PGBD5: variants seen among roughly 807,000 people sequenced by gnomAD.
PGBD5 encodes piggyBac transposable element derived 5.
A neutral mutation model predicts 47.9 loss-of-function variants in PGBD5; 14 were observed. The observed-to-expected ratio is 0.29, with a 90% CI of 0.19 to 0.46. The LOEUF is 0.46. PGBD5 is among the 20% of genes least tolerant of loss of function. The probability of loss-of-function intolerance (pLI) is 1.00; values close to 1 mark genes in which losing one functional copy is unlikely to be tolerated. For synonymous variants in PGBD5, 316 were observed against 306.3 expected, an observed-to-expected ratio of 1.03 and a Z score of -0.33; for missense variants, 635 against 716.0, an observed-to-expected ratio of 0.89 and a Z score of 1.29.
intron 1 of PGBD5, among the ~76,000 whole-genome samples, chr1:230,381,927 T>C (rs1163428492): frequency 2.0e-5 from 3 of 152,134 alleles, no homozygotes; most frequent in Non-Finnish European, 2.9e-5. Flanking sequence ...GATGGCAAAA[T>C]CTAGCTCAGC....
At chr1:230,369,649 T>C (rs828434) in intron 1 of PGBD5, among the ~76,000 whole-genome samples, 1 of 151,576 alleles carries the variant, frequency 6.6e-6, no homozygotes, top group Non-Finnish European at 1.5e-5. Flanking sequence ...ACAGGGAGAG[T>C]GTGTGTCACA....
chr1:230,324,724 G>A (rs747678908), intron 6 of PGBD5, among the ~76,000 whole-genome samples: 18 of 152,156 alleles, frequency 1.2e-4, no homozygotes, highest in Non-Finnish European at 2.5e-4. Flanking sequence ...ATAATGGCAC[G>A]AGGTCAGGGG....
chr1:230,328,970 TTG>T (rs1230847908), intron 5 of PGBD5, among the ~76,000 whole-genome samples: 6 of 152,106 alleles, frequency 3.9e-5, no homozygotes, highest in Non-Finnish European at 5.9e-5. Context: ...TCTCACTCTG[TTG>T]CTCAGACTGA....
At chr1:230,360,385 G>A (rs937392859) in intron 1 of PGBD5, among the ~76,000 whole-genome samples, 1 of 152,096 alleles carries the variant, frequency 6.6e-6, no homozygotes, top group Non-Finnish European at 1.5e-5. Context: ...AGGGAGGGAG[G>A]GAAGGAAGGA....
intron 1 of PGBD5, among the ~76,000 whole-genome samples, chr1:230,395,346 T>C (rs1252605411): frequency 4.7e-4 from 12 of 25,554 alleles, no homozygotes; most frequent in African/African-American, 7.7e-4. Context: ...TCCCAGCTCC[T>C]CTCACTCCCA....
chr1:230,316,092 ACATAT>A lies in PGBD5; in HGVS notation c.*7328_*7332del, dbSNP rs1269265195. ...TACATACATGTTTATGTGTATACAT[ACATAT>A]GTTTATGTGTACACATATATCTATG... On this transcript the variant is annotated 3_prime_UTR_variant, in exon 7 of 7. Coordinates refer to ENST00000391860, the MANE Select transcript of PGBD5 (RefSeq NM_001258311.2). 14 of 149,216 alleles carry A rather than the reference ACATAT, an allele frequency of 9.4e-5. 1 individual carries two copies. The highest frequency in any genetic ancestry group is 1.8e-4 in the Non-Finnish European group (12 of 66,960). The allele number at this position is 149,216 out of a possible 1,614,324, so 9.2% of individuals were successfully genotyped here.
chr1:230,374,363 G>C (rs559381014), intron 1 of PGBD5, among the ~76,000 whole-genome samples: 1 of 152,318 alleles, frequency 6.6e-6, no homozygotes, highest in East Asian at 1.9e-4. Flanking sequence ...GTTGCAGTGA[G>C]TGGAGTTCAC....
intron 3 of PGBD5, among the ~76,000 whole-genome samples, chr1:230,350,374 T>C (rs1253884481): frequency 6.6e-6 from 1 of 152,200 alleles, no homozygotes; most frequent in African/African-American, 2.4e-5. Context: ...AGGCACCTCT[T>C]GTGAAACATG....
rs370132218 is a variant in PGBD5, at chr1:230,392,109, T to G, written c.331+33489A>C. On this transcript the variant is annotated intron_variant, in intron 1 of 6. Transcript: ENST00000391860. Reference sequence around the variant, plus strand: ...AAACGAAAATCCTACTTGCTTTGATTTTTTTCTCTTAAGAGTGCCTTGGTC... The same window carrying G: ...AAACGAAAATCCTACTTGCTTTGATGTTTTTCTCTTAAGAGTGCCTTGGTC... Among the ~76,000 whole-genome samples the G allele has an allele frequency of 6.6e-5, 10 of 152,340 alleles. No homozygotes were observed. The East Asian group carries it at 1.9e-3, about 29-fold the overall frequency.
intron 1 of PGBD5, among the ~76,000 whole-genome samples, chr1:230,396,013 T>C (rs1656945922): frequency 1.4e-5 from 2 of 138,552 alleles, no homozygotes; most frequent in South Asian, 5.0e-4. Flanking sequence ...TTCCCTTTGC[T>C]TCCCTCTTTC....
At position 230,321,601 on chromosome 1, in the gene PGBD5, G is replaced by A. The variant is rs11122494; in HGVS notation, c.*1824C>T. 0.24 allele frequency: 36,703 copies of A among 152,276 alleles called. 4,628 individuals are homozygous for A. The highest frequency in any genetic ancestry group is 0.48 in the East Asian group (2,461 of 5,176). The allele number at this position is 152,276 out of a possible 1,614,324, so 9.4% of individuals were successfully genotyped here. A position where few individuals can be genotyped will look rare whatever the true frequency, so the allele number is the denominator to read the frequency against. ...TTACAGGCATGAGCCACCGCACCCC[G>A]CCTGTTCCCTGACCTTTTAAACGAA... On this transcript the variant is annotated 3_prime_UTR_variant, in exon 7 of 7. Coordinates refer to ENST00000391860, the MANE Select transcript of PGBD5 (RefSeq NM_001258311.2).
intron 1 of PGBD5, among the ~76,000 whole-genome samples, chr1:230,422,605 C>A (rs1271185947): frequency 6.6e-6 from 1 of 152,164 alleles, no homozygotes; most frequent in Non-Finnish European, 1.5e-5. Context: ...CCGAGGGAAT[C>A]CACACCTCAA....
At chr1:230,404,955 C>A (rs1308281586) in intron 1 of PGBD5, among the ~76,000 whole-genome samples, 5 of 141,056 alleles carry the variant, frequency 3.5e-5, no homozygotes, top group Non-Finnish European at 4.6e-5. Flanking sequence ...CTTCCCAAGG[C>A]AAGGTATCAC....
chr1:230,405,343 C>T (rs890476397), intron 1 of PGBD5, among the ~76,000 whole-genome samples: 1 of 152,134 alleles, frequency 6.6e-6, no homozygotes, highest in African/African-American at 2.4e-5. Context: ...CCTCCTCATC[C>T]TTCTCTCCTC....
intron 1 of PGBD5, among the ~76,000 whole-genome samples, chr1:230,374,965 G>A (rs968746663): frequency 6.6e-6 from 1 of 152,200 alleles, no homozygotes; most frequent in Admixed American, 6.5e-5. Flanking sequence ...CCTTGAGCCT[G>A]CAGCCCTCAA....
intron 3 of PGBD5, among the ~76,000 whole-genome samples, chr1:230,349,683 A>G (rs1667531445): frequency 6.6e-6 from 1 of 152,318 alleles, no homozygotes; most frequent in African/African-American, 2.4e-5. Context: ...TCCCTTGGGA[A>G]AGTTTACATA....
intron 1 of PGBD5, among the ~76,000 whole-genome samples, chr1:230,400,264 C>G (rs1378005667): frequency 1.3e-5 from 2 of 152,216 alleles, no homozygotes; most frequent in Admixed American, 1.3e-4. Context: ...CGCCTGGGAG[C>G]TTTGCTCAAA....
chr1:230,331,698 T>C (rs1178762299), intron 5 of PGBD5, among the ~76,000 whole-genome samples: 1 of 151,842 alleles, frequency 6.6e-6, no homozygotes, highest in Non-Finnish European at 1.5e-5. Context: ...TCTTTCTATG[T>C]TGCCCAGGCT....
chr1:230,359,524 C>CA (rs1380581065), intron 1 of PGBD5, among the ~76,000 whole-genome samples: 1 of 152,184 alleles, frequency 6.6e-6, no homozygotes, highest in African/African-American at 2.4e-5. Context: ...GTTTTAGAAT[C>CA]AGAGTGATGG....
Sources: gnomAD v4.1 joint callset for allele counts (sites outside exome capture counted in the v4.1 genomes callset) on GRCh38, gnomAD v4.1.1 for gene constraint, MANE v1.5 for transcripts, NCBI Gene and HGNC (gene_info 2026-07-23, HGNC 2026-07-21) for gene names.